Variants in JMY observed in about 807,000 individuals in gnomAD.
JMY encodes junction mediating and regulatory protein, p53 cofactor.
Under a neutral mutation model 103.3 loss-of-function variants are expected in JMY, and 46 were observed. The ratio of observed to expected loss-of-function variants is 0.45; its 90% CI spans 0.35 to 0.57. JMY has a LOEUF of 0.57. Among genes scored for constraint, JMY ranks in the 20% least tolerant of loss-of-function variants. JMY has a pLI of 0.00. For missense variants in JMY, 1,238 were observed against 1,255.2 expected (o/e 0.99, Z 0.21); for synonymous variants, 526 against 489.3 (o/e 1.07, Z -0.99).
rs1747251276 is a variant in JMY, at chr5:79,317,055, A to G, written c.*3+745A>G. ...ATACCCCGTCTGTAAAAAGAAATCA[A>G]TACGTCAATTTTTTTTTTAATGCAA... On this transcript the variant is annotated intron_variant, in intron 10 of 10. Transcript: ENST00000396137. Among the ~76,000 whole-genome samples, 3 of 137,156 alleles carry G rather than the reference A, an allele frequency of 2.2e-5. No individual in the cohort carries two copies. In the Admixed American group the frequency reaches 2.3e-4, roughly 11 times the overall value. The allele number at this position is 137,156 out of a possible 152,430, so 90.0% of individuals were successfully genotyped here.
intron 1 of JMY, among the ~76,000 whole-genome samples, chr5:79,263,159 A>T (rs1281411826): frequency 1.3e-5 from 2 of 152,208 alleles, no homozygotes; most frequent in African/African-American, 4.8e-5. Context: ...GAAACCTGGT[A>T]GAAAACCATT....
chr5:79,270,885 A>T (rs1231913874), intron 1 of JMY, among the ~76,000 whole-genome samples: 1 of 151,892 alleles, frequency 6.6e-6, no homozygotes, highest in Non-Finnish European at 1.5e-5. Flanking sequence ...TGATATGATC[A>T]TGTGATTTTT....
chr5:79,321,384 A>G (rs559707838), intron 10 of JMY, among the ~76,000 whole-genome samples: 2 of 152,342 alleles, frequency 1.3e-5, no homozygotes, highest in South Asian at 4.1e-4. Context: ...TAGTTTTCAT[A>G]CAGTGTTAGA....
chr5:79,318,339 C>A (rs1009495652), intron 10 of JMY, among the ~76,000 whole-genome samples: 1 of 151,978 alleles, frequency 6.6e-6, no homozygotes. Context: ...CTGAGTAGAT[C>A]TAATGTATAT....
At chr5:79,307,843 A>G (rs1323298009) in intron 7 of JMY, among the ~76,000 whole-genome samples, 3 of 151,980 alleles carry the variant, frequency 2.0e-5, no homozygotes, top group South Asian at 2.1e-4. Flanking sequence ...GGTTCAAGCA[A>G]TTCTCCTGTC....
intron 1 of JMY, among the ~76,000 whole-genome samples, chr5:79,267,861 G>A (rs1037580372): frequency 6.6e-6 from 1 of 152,234 alleles, no homozygotes; most frequent in Non-Finnish European, 1.5e-5. Flanking sequence ...GCAGGTTTTT[G>A]TGTAGATAAA....
At chr5:79,271,076 G>GT (rs1350810024) in intron 1 of JMY, among the ~76,000 whole-genome samples, 2 of 151,962 alleles carry the variant, frequency 1.3e-5, no homozygotes, top group Non-Finnish European at 2.9e-5. Flanking sequence ...TCAGTCTGTA[G>GT]TTTTTTTAAG....
chr5:79,302,334 G>C (rs1291196891), intron 6 of JMY, among the ~76,000 whole-genome samples: 1 of 152,144 alleles, frequency 6.6e-6, no homozygotes, highest in Non-Finnish European at 1.5e-5. Context: ...TCACCAGTAT[G>C]CTAGGCACAT....
intron 1 of JMY, among the ~76,000 whole-genome samples, chr5:79,238,392 C>T (rs932508052): frequency 4.6e-5 from 7 of 151,162 alleles, no homozygotes; most frequent in African/African-American, 1.7e-4. Flanking sequence ...CAAACTAATC[C>T]TTAAAATAAC....
chr5:79,314,871 T>C lies in JMY; in HGVS notation c.2659+20T>C, dbSNP rs377353512. ...GGAGAGGTACGTCAACATATTTTCA[T>C]GGTCCATCTGTTGTATGACATCAGG... On this transcript the variant is annotated intron_variant, in intron 9 of 10. Transcript: ENST00000396137. 2.4e-5 allele frequency: 37 copies of C among 1,531,442 alleles called. No individual in the cohort carries two copies. Among genetic ancestry groups the C allele is most frequent in the Non-Finnish European group, 3.1e-5 (35 of 1,140,816 alleles). The allele number at this position is 1,531,442 out of a possible 1,614,324, so 94.9% of individuals were successfully genotyped here. A position where few individuals can be genotyped will look rare whatever the true frequency, so the allele number is the denominator to read the frequency against.
At chr5:79,274,986 G>A (rs1745896237) in intron 1 of JMY, among the ~76,000 whole-genome samples, 2 of 152,100 alleles carry the variant, frequency 1.3e-5, no homozygotes, top group Admixed American at 1.3e-4. Context: ...TATAGTTCCA[G>A]TGATCAGCCA....
chr5:79,318,982 CACTG>C (rs1296826614), intron 10 of JMY, among the ~76,000 whole-genome samples: 1 of 151,688 alleles, frequency 6.6e-6, no homozygotes, highest in African/African-American at 2.4e-5. Context: ...ACCATCTTTG[CACTG>C]ACTAATTCCA....
chr5:79,287,339 G>A (rs1348647670), intron 2 of JMY, among the ~76,000 whole-genome samples: 2 of 152,230 alleles, frequency 1.3e-5, no homozygotes, highest in African/African-American at 4.8e-5. Flanking sequence ...TCACAAGACA[G>A]AAGGATGAAC....
intron 1 of JMY, among the ~76,000 whole-genome samples, chr5:79,242,607 G>T (rs576916266): frequency 6.6e-6 from 1 of 152,144 alleles, no homozygotes; most frequent in Non-Finnish European, 1.5e-5. Flanking sequence ...ACCAAGCTCC[G>T]ATGAAAGCCT....
At chr5:79,304,878 A>G (rs1248136849) in intron 6 of JMY, among the ~76,000 whole-genome samples, 3 of 152,342 alleles carry the variant, frequency 2.0e-5, no homozygotes, top group South Asian at 4.1e-4. Flanking sequence ...AAGGGAACCA[A>G]CGCTTCTGGT....
intron 10 of JMY, among the ~76,000 whole-genome samples, chr5:79,319,140 G>T (rs1005164358): frequency 6.6e-6 from 1 of 152,108 alleles, no homozygotes; most frequent in African/African-American, 2.4e-5. Context: ...CCTAACCCTA[G>T]ACATTGCATC....
chr5:79,299,849 G>A (rs892339397), intron 4 of JMY, among the ~76,000 whole-genome samples: 15 of 152,048 alleles, frequency 9.9e-5, no homozygotes, highest in African/African-American at 3.6e-4. Flanking sequence ...TTTTGAGAGG[G>A]AAAGCATTTA....
rs776789392 is a variant in JMY at position 79,306,421 on chromosome 5, G to T, written c.1928G>T (p.Arg643Leu). 6.2e-7 allele frequency: 1 copy of T among 1,613,220 alleles called. No homozygotes were observed. Among genetic ancestry groups the T allele is most frequent in the Non-Finnish European group, 8.5e-7 (1 of 1,179,474 alleles). ...AATGAAAAAATCCAACAGCGCACTCGGATTGAAGATGAATATAGAACCCAT... is the reference window on the plus strand; with the variant it reads ...AATGAAAAAATCCAACAGCGCACTCTGATTGAAGATGAATATAGAACCCAT... ...KHNEKIQQRTRIEDEYRTHHT... is the reference protein window; with the variant it reads ...KHNEKIQQRTLIEDEYRTHHT... Residue 643 changes from arginine (R) to leucine (L), a missense_variant, in exon 7 of 11, where the codon CGG (arginine) becomes CTG (leucine). Transcript: ENST00000396137.
chr5:79,265,179 C>T (rs769306386), intron 1 of JMY, among the ~76,000 whole-genome samples: 16 of 152,194 alleles, frequency 1.1e-4, no homozygotes, highest in Non-Finnish European at 2.1e-4. Flanking sequence ...CCGCCTTGGC[C>T]TCCCAAAGTG....
Sources: allele counts gnomAD v4.1 joint callset (sites outside exome capture counted in the v4.1 genomes callset), GRCh38; gene constraint gnomAD v4.1.1; transcripts MANE v1.5; gene names NCBI Gene and HGNC (gene_info 2026-07-23, HGNC 2026-07-21).